The following RSPO2 variants were observed in gnomAD, a reference collection of about 807,000 sequenced individuals.
RSPO2 encodes R-spondin-2.
Under a neutral mutation model 30.9 loss-of-function variants are expected in RSPO2, and 14 were observed. The ratio of observed to expected loss-of-function variants is 0.45; its 90% CI spans 0.30 to 0.71. The LOEUF is 0.71. Ranked by LOEUF, RSPO2 falls within the 30% of genes least tolerant of loss-of-function variation. The pLI is 0.08. For missense variants in RSPO2, 264 were observed against 301.9 expected (o/e 0.87, Z 0.93); for synonymous variants, 107 against 96.4 (o/e 1.11, Z -0.64).
chr8:107,915,384 A>C (rs2130288856), intron 5 of RSPO2, among the ~76,000 whole-genome samples: 1 of 152,114 alleles, frequency 6.6e-6, no homozygotes. Context: ...GTTCTGTAGC[A>C]CCGTGGTGGG....
At chr8:107,974,404 C>A (rs538371779) in intron 3 of RSPO2, among the ~76,000 whole-genome samples, 1 of 151,808 alleles carries the variant, frequency 6.6e-6, no homozygotes, top group African/African-American at 2.4e-5. Flanking sequence ...GCCAGTTACT[C>A]GGGAGGCTGA....
intron 5 of RSPO2, among the ~76,000 whole-genome samples, chr8:107,910,446 T>C (rs1457938250): frequency 1.3e-5 from 2 of 152,258 alleles, no homozygotes; most frequent in African/African-American, 4.8e-5. Flanking sequence ...GGCAGGAGGA[T>C]TGCTTGAGTC....
intron 5 of RSPO2, among the ~76,000 whole-genome samples, chr8:107,943,005 A>G (rs1315947419): frequency 6.6e-6 from 1 of 152,272 alleles, no homozygotes. Flanking sequence ...CATCAAAGCA[A>G]CTTGACACTC....
At position 108,029,225 on chromosome 8, in the gene RSPO2, G is replaced by A. The variant is rs181773148; in HGVS notation, c.95-39981C>T. Among the ~76,000 whole-genome samples the A allele has an allele frequency of 2.2e-3, 325 of 151,156 alleles. 1 individual carries two copies. The highest frequency in any genetic ancestry group is 7.6e-3 in the African/African-American group (309 of 40,848). On this transcript the variant is annotated intron_variant, in intron 2 of 5. Coordinates refer to ENST00000276659, the MANE Select transcript of RSPO2 (RefSeq NM_178565.5). ...ATACTTATTCCTTTACATATTGTTT[G>A]TGTCTGCTTTTGCACTACAATGGCA... is the stretch of plus-strand genomic sequence containing the variant.
At chr8:108,004,038 A>G (rs1164959499) in intron 2 of RSPO2, among the ~76,000 whole-genome samples, 1 of 152,184 alleles carries the variant, frequency 6.6e-6, no homozygotes, top group African/African-American at 2.4e-5. Flanking sequence ...AAATAATCAA[A>G]GTTCCTTTTG....
intron 5 of RSPO2, among the ~76,000 whole-genome samples, chr8:107,918,417 G>A (rs1812044579): frequency 2.6e-5 from 4 of 152,170 alleles, no homozygotes; most frequent in Admixed American, 2.6e-4. Flanking sequence ...TGACTGGAAT[G>A]ATATGCCTTC....
At chr8:107,957,904 T>C (rs1813479278) in intron 5 of RSPO2, among the ~76,000 whole-genome samples, 176 bp downstream of exon 5, 2 of 152,258 alleles carry the variant, frequency 1.3e-5, no homozygotes, top group South Asian at 2.1e-4. Flanking sequence ...ATGCACTTCA[T>C]ATTTTTCACA....
intron 2 of RSPO2, among the ~76,000 whole-genome samples, chr8:108,014,657 A>T (rs1038349429): frequency 1.3e-5 from 2 of 151,922 alleles, no homozygotes; most frequent in Non-Finnish European, 2.9e-5. Flanking sequence ...GAACACATGG[A>T]CACAGGGAGG....
At chr8:108,006,349 TAATA>T (rs1042700584) in intron 2 of RSPO2, among the ~76,000 whole-genome samples, 2 of 152,088 alleles carry the variant, frequency 1.3e-5, no homozygotes, top group African/African-American at 2.4e-5. Context: ...TAAAGTTTCC[TAATA>T]TTTATGAAAA....
intron 2 of RSPO2, among the ~76,000 whole-genome samples, chr8:108,016,040 A>C (rs1286970495): frequency 6.6e-6 from 1 of 152,196 alleles, no homozygotes; most frequent in Non-Finnish European, 1.5e-5. Context: ...GGAGGAAATT[A>C]GGAGTCAGAT....
Position 107,926,971 on chromosome 8 carries a change from A to G in RSPO2, c.617-25781T>C, listed in dbSNP as rs865942430. On this transcript the variant is annotated intron_variant, in intron 5 of 5. Transcript: ENST00000276659. ...GCTTGATGGGGATGGCATTGAATCT[A>G]TAAATTACCTTGGGCAGTATGGCCA... is the stretch of plus-strand genomic sequence containing the variant. Among the ~76,000 whole-genome samples the G allele has an allele frequency of 3.6e-3, 554 of 152,190 alleles. 4 individuals carry two copies. The highest frequency in any genetic ancestry group is 0.013 in the African/African-American group (535 of 41,520).
chr8:108,042,360 C>T (rs2130659037), intron 2 of RSPO2, among the ~76,000 whole-genome samples: 1 of 152,216 alleles, frequency 6.6e-6, no homozygotes, highest in African/African-American at 2.4e-5. Flanking sequence ...CCAATAATGA[C>T]AGTAGGAAAT....
rs1813240829 is a variant in RSPO2, at chr8:108,082,549, C to T, written c.90G>A (p.Lys30=). Residue 30 remains lysine, a synonymous_variant, in exon 2 of 6, where the codon AAG becomes AAA. Coordinates refer to ENST00000276659, the MANE Select transcript of RSPO2 (RefSeq NM_178565.5). ...HCQGNRWRRS[K]RASYVSNPIC... ...CTTTGGCAGAGAGGGACCCACCTCG[C>T]TTACTGCGTCTCCATCGGTTGCCTT... 2.5e-6 allele frequency: 4 copies of T among 1,613,790 alleles called. No individual in the cohort carries two copies. Among genetic ancestry groups the T allele is most frequent in the Non-Finnish European group, 2.5e-6 (3 of 1,179,638 alleles).
chr8:108,051,218 T>C (rs543150852), intron 2 of RSPO2, among the ~76,000 whole-genome samples: 1 of 152,272 alleles, frequency 6.6e-6, no homozygotes, highest in South Asian at 2.1e-4. Context: ...CATCTAAATG[T>C]TAATATAGGA....
At chr8:107,907,317 T>TCACTAAAAAGATTTTA (rs1326439831) in intron 5 of RSPO2, among the ~76,000 whole-genome samples, 1 of 151,974 alleles carries the variant, frequency 6.6e-6, no homozygotes, top group Admixed American at 6.6e-5. Context: ...CCTCTTCTTT[T>TCACTAAAAAGATTTTA]CACTAAAAAG....
chr8:108,039,858 C>G (rs1052834486), intron 2 of RSPO2, among the ~76,000 whole-genome samples: 1 of 152,146 alleles, frequency 6.6e-6, no homozygotes, highest in African/African-American at 2.4e-5. Context: ...AGGTAGATCT[C>G]TCATGAATGG....
intron 5 of RSPO2, among the ~76,000 whole-genome samples, chr8:107,918,592 GAGA>G (rs1239352465): frequency 6.6e-6 from 1 of 152,070 alleles, no homozygotes; most frequent in Non-Finnish European, 1.5e-5. Flanking sequence ...ACCTCCAGAG[GAGA>G]AGAATTTACC....
At chr8:108,030,919 T>A (rs2130634073) in intron 2 of RSPO2, among the ~76,000 whole-genome samples, 1 of 152,328 alleles carries the variant, frequency 6.6e-6, no homozygotes, top group Non-Finnish European at 1.5e-5. Context: ...TTCATTGAAA[T>A]CACTGAAGGC....
intron 2 of RSPO2, among the ~76,000 whole-genome samples, chr8:108,048,972 TGTGGTTTTGA>T (rs1286752326): frequency 6.6e-6 from 1 of 152,144 alleles, no homozygotes; most frequent in African/African-American, 2.4e-5. Context: ...CGTGTAGTTG[TGTGGTTTTGA>T]GTGAATTTCT....
Sources: gnomAD v4.1 joint callset for allele counts (sites outside exome capture counted in the v4.1 genomes callset) on GRCh38, gnomAD v4.1.1 for gene constraint, MANE v1.5 for transcripts, NCBI Gene and HGNC (gene_info 2026-07-23, HGNC 2026-07-21) for gene names.